DYNC2LI1: variants seen among roughly 807,000 people sequenced by gnomAD.
The protein encoded by DYNC2LI1 is dynein cytoplasmic 2 light intermediate chain 1.
A neutral mutation model predicts 51.9 loss-of-function variants in DYNC2LI1; 45 were observed. The observed-to-expected ratio is 0.87, with a 90% CI of 0.68 to 1.11. The LOEUF is 1.11. Among genes scored for constraint, DYNC2LI1 ranks in the 50% most tolerant of loss-of-function variants. The pLI is 0.00. For missense variants in DYNC2LI1, 490 were observed against 417.4 expected, an observed-to-expected ratio of 1.17 and a Z score of -1.51; for synonymous variants, 130 against 137.8, an observed-to-expected ratio of 0.94 and a Z score of 0.40.
In DYNC2LI1 at chr2:43,775,351, A is replaced by G. The variant is rs568407695; in HGVS notation, c.8+1205A>G. 1.3e-5 allele frequency among the ~76,000 whole-genome samples: 2 copies of G among 152,300 alleles called. 1 individual carries two copies. Among genetic ancestry groups the G allele is most frequent in the African/African-American group, 4.8e-5 (2 of 41,566 alleles). On this transcript the variant is annotated intron_variant, in intron 1 of 12. Coordinates refer to ENST00000260605, the MANE Select transcript of DYNC2LI1 (RefSeq NM_016008.4). ...CAGGTCTTGCCCATGGTTAGTTTTT[A>G]GTTTAATATTCCATTTTCACTTAGG... is the stretch of plus-strand genomic sequence containing the variant.
rs1260193881 is a variant in DYNC2LI1 at position 43,783,396 on chromosome 2, T to C, written c.127-124T>C. 12 of 767,926 alleles carry C rather than the reference T, an allele frequency of 1.6e-5. No homozygotes were observed. The South Asian group carries it at 2.1e-4, about 13-fold the overall frequency. 47.6% of individuals were successfully genotyped at this position (767,926 alleles called of 1,614,324 possible). On this transcript the variant is annotated intron_variant, in intron 2 of 12. Transcript: ENST00000260605. ...AACAATTCCGAAAGTTTCTAGTTTT[T>C]AGTTTCCAGGTAATTTATCATTCAA...
At chr2:43,813,949 C>A (rs568031240), downstream of DYNC2LI1, among the ~76,000 whole-genome samples, 1 of 151,980 alleles carries the variant, frequency 6.6e-6, no homozygotes, top group African/African-American at 2.4e-5. Context: ...GAACTCTTGA[C>A]CTCAAGTGAT....
the DYNC2LI1 span, chr2:43,826,462 C>T: frequency 5.6e-6 from 9 of 1,614,058 alleles, no homozygotes; most frequent in African/African-American, 1.2e-4. Context: ...AGGAGGACGA[C>T]AATCTGATTA....
chr2:43,808,929 T>C (rs1465203796), intron 12 of DYNC2LI1, among the ~76,000 whole-genome samples: 1 of 151,362 alleles, frequency 6.6e-6, no homozygotes, highest in African/African-American at 2.4e-5. Context: ...TTATGGATGA[T>C]AAATTTCTAA....
the DYNC2LI1 span, among the ~76,000 whole-genome samples, chr2:43,819,141 T>G: frequency 7.9e-5 from 12 of 152,204 alleles, no homozygotes; most frequent in Admixed American, 5.2e-4. Context: ...GATTTTTACA[T>G]TTTTAAGTCA....
chr2:43,807,263 G>A (rs749462192), intron 12 of DYNC2LI1, among the ~76,000 whole-genome samples: 5 of 151,974 alleles, frequency 3.3e-5, no homozygotes, highest in African/African-American at 1.2e-4. Context: ...AGGGTCTTTC[G>A]TGATTAGCCC....
rs944323376 is a variant in DYNC2LI1, at chr2:43,795,064, G to A, written c.507+421G>A. On this transcript the variant is annotated intron_variant, in intron 6 of 12. Coordinates refer to ENST00000260605, the MANE Select transcript of DYNC2LI1 (RefSeq NM_016008.4). Reference sequence around the variant, plus strand: ...TCACTCTGTATTTTACATTCATTTCGTTTCTGTCACTTATTCAGTATCTTT... The same window carrying A: ...TCACTCTGTATTTTACATTCATTTCATTTCTGTCACTTATTCAGTATCTTT... 19 of 1,024,946 alleles carry A rather than the reference G, an allele frequency of 1.9e-5. No homozygotes were observed. In the East Asian group the frequency reaches 3.4e-4, roughly 18 times the overall value. The allele number at this position is 1,024,946 out of a possible 1,614,324, so 63.5% of individuals were successfully genotyped here. A position where few individuals can be genotyped will look rare whatever the true frequency, so the allele number is the denominator to read the frequency against.
the DYNC2LI1 span, among the ~76,000 whole-genome samples, chr2:43,822,254 TC>T: frequency 1.1e-4 from 17 of 152,124 alleles, no homozygotes; most frequent in African/African-American, 3.9e-4. Flanking sequence ...AATGGCCTTC[TC>T]CCTTTATGCT....
intron 12 of DYNC2LI1, among the ~76,000 whole-genome samples, chr2:43,806,452 A>T (rs1666260002): frequency 3.3e-5 from 5 of 152,188 alleles, no homozygotes. Flanking sequence ...TAAACGGTCC[A>T]GAAGACTTTT....
intron 4 of DYNC2LI1, among the ~76,000 whole-genome samples, chr2:43,789,041 C>T (rs913321405): frequency 6.6e-6 from 1 of 152,184 alleles, no homozygotes; most frequent in African/African-American, 2.4e-5. Context: ...CTTGTTCCCC[C>T]ACCTACCGTG....
the DYNC2LI1 span, chr2:43,827,962 A>G: frequency 6.2e-7 from 1 of 1,613,744 alleles, no homozygotes; most frequent in South Asian, 1.1e-5. Flanking sequence ...GCAGCTAGTA[A>G]CAGTTCTGGG....
At chr2:43,818,792 T>C in the DYNC2LI1 span, among the ~76,000 whole-genome samples, 1 of 152,254 alleles carries the variant, frequency 6.6e-6, no homozygotes, top group Non-Finnish European at 1.5e-5. Flanking sequence ...TATAACTCAC[T>C]GCAATTTATA....
chr2:43,819,205 A>C, the DYNC2LI1 span, among the ~76,000 whole-genome samples: 1 of 152,038 alleles, frequency 6.6e-6, no homozygotes, highest in Non-Finnish European at 1.5e-5. Flanking sequence ...ACTAGATCCC[A>C]CTCACACCAC....
intron 5 of DYNC2LI1, among the ~76,000 whole-genome samples, chr2:43,789,929 C>A (rs536987769): frequency 4.5e-4 from 69 of 152,244 alleles, no homozygotes; most frequent in Non-Finnish European, 7.8e-4. Context: ...ACTGAGATAG[C>A]TGACATTCCC....
chr2:43,785,182 C>T (rs1171132090), intron 3 of DYNC2LI1, among the ~76,000 whole-genome samples: 4 of 151,982 alleles, frequency 2.6e-5, no homozygotes, highest in African/African-American at 9.7e-5. Flanking sequence ...ACCTGTAGTC[C>T]CAGCTACTCA....
chr2:43,805,342 T>A, intron 12 of DYNC2LI1, 96 bp downstream of exon 12: 2 of 663,500 alleles, frequency 3.0e-6, no homozygotes, highest in Non-Finnish European at 5.3e-6. Context: ...ATGTATTTAC[T>A]TAGAGTATCT....
the DYNC2LI1 span, chr2:43,828,289 G>T: frequency 1.2e-6 from 1 of 865,850 alleles, no homozygotes; most frequent in Non-Finnish European, 1.8e-6. Context: ...ATCCAATTCG[G>T]CTTAAATCGT....
chr2:43,824,307 T>C, the DYNC2LI1 span: 1 of 1,614,248 alleles, frequency 6.2e-7, no homozygotes. Context: ...TGTTTCATTC[T>C]TTCAATATTC....
At chr2:43,796,302 C>T (rs140206296) in intron 7 of DYNC2LI1, among the ~76,000 whole-genome samples, 31 of 149,542 alleles carry the variant, frequency 2.1e-4, no homozygotes, top group African/African-American at 7.7e-4. Flanking sequence ...CACTATACTC[C>T]AGCCTGGGTT....
Sources: allele counts gnomAD v4.1 joint callset (sites outside exome capture counted in the v4.1 genomes callset), GRCh38; gene constraint gnomAD v4.1.1; transcripts MANE v1.5; gene names NCBI Gene and HGNC (gene_info 2026-07-23, HGNC 2026-07-21).